CACNA1D: variants seen among roughly 807,000 people sequenced by gnomAD.
CACNA1D encodes the protein voltage-dependent L-type calcium channel subunit alpha-1D.
A neutral mutation model predicts 257.1 loss-of-function variants in CACNA1D; 55 were observed. The ratio of observed to expected loss-of-function variants is 0.21; its 90% CI spans 0.17 to 0.27. CACNA1D has a LOEUF of 0.27. Among genes scored for constraint, CACNA1D ranks in the 10% least tolerant of loss-of-function variants. CACNA1D has a pLI of 1.00. For missense variants in CACNA1D, 1,876 were observed against 2,784.0 expected (o/e 0.67, Z 7.34); for synonymous variants, 980 against 1,014.9 (o/e 0.97, Z 0.65).
chr3:53,801,117 C>T lies in CACNA1D; in HGVS notation c.5100C>T (p.Ser1700=). The change falls in exon 42 of 48, where the codon TCC becomes TCT. Residue 1700 remains serine (S), a synonymous_variant. Coordinates refer to ENST00000350061, the MANE Select transcript of CACNA1D (RefSeq NM_001128840.3). ...VNHVNSDRRD[S]LQQTNTTHRP... ...ATGTTAATAGTGATAGGAGAGATTC[C>T]CTTCAGCAGACCAATACCACCCACC... 1 of 1,613,714 alleles carries T rather than the reference C, an allele frequency of 6.2e-7. No individual in the cohort carries two copies. The highest frequency in any genetic ancestry group is 8.5e-7 in the Non-Finnish European group (1 of 1,179,704).
At chr3:53,601,574 C>T (rs1035477815) in intron 3 of CACNA1D, among the ~76,000 whole-genome samples, 5 of 152,192 alleles carry the variant, frequency 3.3e-5, no homozygotes, top group African/African-American at 9.7e-5. Flanking sequence ...TGGATAATAC[C>T]ATTCTGTTTT....
chr3:53,650,142 A>C (rs2094073637), intron 3 of CACNA1D, among the ~76,000 whole-genome samples: 1 of 152,220 alleles, frequency 6.6e-6, no homozygotes, highest in South Asian at 2.1e-4. Flanking sequence ...CAGCCGGGAG[A>C]GGCGGCATGC....
chr3:53,725,967 T>C (rs772952918), intron 14 of CACNA1D, among the ~76,000 whole-genome samples: 2 of 152,244 alleles, frequency 1.3e-5, no homozygotes, highest in Non-Finnish European at 2.9e-5. Flanking sequence ...TCATTGGTGA[T>C]ATCTACTCTT....
At chr3:53,599,585 A>G (rs142385416) in intron 3 of CACNA1D, among the ~76,000 whole-genome samples, 161 of 152,224 alleles carry the variant, frequency 1.1e-3, no homozygotes, top group Middle Eastern at 3.4e-3. Context: ...GACCCTGACA[A>G]TTTACTTCCC....
intron 3 of CACNA1D, among the ~76,000 whole-genome samples, chr3:53,642,444 G>T (rs1380162960): frequency 6.6e-6 from 1 of 152,232 alleles, no homozygotes; most frequent in African/African-American, 2.4e-5. Flanking sequence ...ATTGCCCCTG[G>T]GATGAGAGCA....
intron 3 of CACNA1D, among the ~76,000 whole-genome samples, chr3:53,565,345 C>G (rs989160799): frequency 5.3e-5 from 8 of 152,170 alleles, no homozygotes; most frequent in Non-Finnish European, 8.8e-5. Flanking sequence ...CACACACACA[C>G]ACGTACACAC....
chr3:53,740,608 T>G lies in CACNA1D; in HGVS notation c.2811+269T>G, dbSNP rs138274940. 817 of 429,372 alleles carry G rather than the reference T, an allele frequency of 1.9e-3. 11 individuals carry two copies. Among genetic ancestry groups the G allele is most frequent in the African/African-American group, 0.016 (777 of 49,386 alleles). 26.6% of individuals were successfully genotyped at this position (429,372 alleles called of 1,614,324 possible). A position where few individuals can be genotyped will look rare whatever the true frequency, so the allele number is the denominator to read the frequency against. ...TCGTGGTTGAGCTAAGTTTTTTTTT[T>G]TTGTTTTTTAAACCGAAGGATTTTT... On this transcript the variant is annotated intron_variant, in intron 21 of 47. Transcript: ENST00000350061.
In CACNA1D at chr3:53,719,737, T is replaced by G. The variant is rs201438579; in HGVS notation, c.1479-18T>G. 3.6e-5 allele frequency: 58 copies of G among 1,612,658 alleles called. No homozygotes were observed. The East Asian group carries it at 1.1e-3, about 32-fold the overall frequency. On this transcript the variant is annotated intron_variant, in intron 10 of 47. Coordinates refer to ENST00000350061, the MANE Select transcript of CACNA1D (RefSeq NM_001128840.3). ...GCCCTCGGAACCAGAATCTTAACAC[T>G]TTTTGTCTTTCTTTCAGTCAAGCCA...
chr3:53,537,080 A>C (rs937672029), intron 3 of CACNA1D, among the ~76,000 whole-genome samples: 1 of 152,202 alleles, frequency 6.6e-6, no homozygotes, highest in Non-Finnish European at 1.5e-5. Context: ...GCACATGCTA[A>C]TTTTATTTCA....
intron 3 of CACNA1D, among the ~76,000 whole-genome samples, chr3:53,588,831 T>C (rs936471148): frequency 6.6e-6 from 1 of 152,202 alleles, no homozygotes; most frequent in Non-Finnish European, 1.5e-5. Flanking sequence ...TATCAATAAC[T>C]GTAACAGATT....
chr3:53,682,220 G>A (rs1180030458), intron 8 of CACNA1D, among the ~76,000 whole-genome samples: 1 of 151,942 alleles, frequency 6.6e-6, no homozygotes, highest in Non-Finnish European at 1.5e-5. Context: ...GGGGGATGCA[G>A]AGATAGGTGA....
chr3:53,770,116 T>G, intron 31 of CACNA1D, 99 bp downstream of exon 31: 1 of 1,033,576 alleles, frequency 9.7e-7, no homozygotes. Context: ...TCCATGATTG[T>G]CCTTCCAGAA....
At chr3:53,615,294 T>C (rs1450917165) in intron 3 of CACNA1D, among the ~76,000 whole-genome samples, 4 of 152,194 alleles carry the variant, frequency 2.6e-5, no homozygotes, top group African/African-American at 4.8e-5. Context: ...TAACCTTTAC[T>C]AGAAGCCATG....
chr3:53,687,344 A>G (rs1422108209), intron 8 of CACNA1D, among the ~76,000 whole-genome samples: 1 of 152,184 alleles, frequency 6.6e-6, no homozygotes, highest in African/African-American at 2.4e-5. Context: ...AGGAGGGCTT[A>G]TACTGCTGAT....
intron 3 of CACNA1D, among the ~76,000 whole-genome samples, chr3:53,578,972 C>T (rs2093085078): frequency 6.6e-6 from 1 of 151,976 alleles, no homozygotes; most frequent in Non-Finnish European, 1.5e-5. Flanking sequence ...AGTAAAGGGC[C>T]CAGACGAGGA....
chr3:53,674,382 G>T (rs983852146), intron 8 of CACNA1D, among the ~76,000 whole-genome samples: 1 of 152,196 alleles, frequency 6.6e-6, no homozygotes, highest in African/African-American at 2.4e-5. Flanking sequence ...AACTGTCCCT[G>T]TGATTCAGTT....
chr3:53,620,877 C>G (rs2093689578), intron 3 of CACNA1D, among the ~76,000 whole-genome samples: 1 of 152,110 alleles, frequency 6.6e-6, no homozygotes, highest in African/African-American at 2.4e-5. Flanking sequence ...CTGGGGGAAA[C>G]AGAGAGGAAG....
intron 3 of CACNA1D, among the ~76,000 whole-genome samples, chr3:53,536,602 T>C (rs1021450339): frequency 6.6e-6 from 1 of 152,286 alleles, no homozygotes; most frequent in Non-Finnish European, 1.5e-5. Context: ...CACGGCCTTA[T>C]GCCTCTTTTT....
intron 3 of CACNA1D, among the ~76,000 whole-genome samples, chr3:53,578,165 G>A (rs1489951879): frequency 6.6e-6 from 1 of 151,590 alleles, no homozygotes; most frequent in Non-Finnish European, 1.5e-5. Context: ...TGTGGTATAA[G>A]GTGGAATATG....
Sources: gnomAD v4.1 joint callset for allele counts (sites outside exome capture counted in the v4.1 genomes callset) on GRCh38, gnomAD v4.1.1 for gene constraint, MANE v1.5 for transcripts, NCBI Gene and HGNC (gene_info 2026-07-23, HGNC 2026-07-21) for gene names.